The following BIN2 variants were observed in gnomAD, a reference collection of about 807,000 sequenced individuals.
BIN2 encodes the protein bridging integrator 2, also known as breast cancer associated protein BRAP1.
A neutral mutation model predicts 67.9 loss-of-function variants in BIN2; 43 were observed. That is an observed-to-expected ratio of 0.63 (90% CI 0.50 to 0.82). The LOEUF is 0.82. Ranked by LOEUF, BIN2 falls within the 40% of genes least tolerant of loss-of-function variation. BIN2 has a pLI of 0.00. For synonymous variants in BIN2, 244 were observed against 246.8 expected (o/e 0.99, Z 0.11); for missense variants, 581 against 671.6 (o/e 0.87, Z 1.49).
chr12:51,292,593 A>G (rs1330850025), intron 9 of BIN2, among the ~76,000 whole-genome samples: 4 of 152,212 alleles, frequency 2.6e-5, no homozygotes, highest in Non-Finnish European at 5.9e-5. Flanking sequence ...AAATGTCGCA[A>G]ATATTTCCTC....
At chr12:51,287,411 C>CA (rs1179003045) in intron 11 of BIN2, among the ~76,000 whole-genome samples, 2 of 151,940 alleles carry the variant, frequency 1.3e-5, no homozygotes, top group Admixed American at 1.3e-4. Flanking sequence ...CGGCTCACTG[C>CA]AACCTCCGCC....
intron 2 of BIN2, among the ~76,000 whole-genome samples, chr12:51,313,452 C>A (rs995752157): frequency 6.6e-6 from 1 of 151,472 alleles, no homozygotes; most frequent in African/African-American, 2.4e-5. Context: ...GATTCTCCTG[C>A]CTCAGCCTGC....
At chr12:51,323,926 C>CCCCTGAGCA in intron 1 of BIN2, 96 bp downstream of exon 1, 2 of 1,487,450 alleles carry the variant, frequency 1.3e-6, no homozygotes, top group Non-Finnish European at 1.8e-6. Context: ...CCCTTCGGGG[C>CCCCTGAGCA]CCCTGAGCAC....
intron 1 of BIN2, among the ~76,000 whole-genome samples, chr12:51,318,787 G>T (rs990908441): frequency 3.3e-5 from 5 of 152,190 alleles, no homozygotes; most frequent in East Asian, 1.9e-4. Flanking sequence ...AGGATTAAAT[G>T]ATATTTTGCA....
intron 10 of BIN2, among the ~76,000 whole-genome samples, chr12:51,290,118 T>C (rs1945343971): frequency 6.6e-5 from 10 of 150,954 alleles, no homozygotes; most frequent in Admixed American, 6.6e-4. Flanking sequence ...TTTTTTTAAC[T>C]TTTTCTTTTT....
chr12:51,299,551 T>G, intron 6 of BIN2, 56 bp downstream of exon 6: 13 of 1,511,906 alleles, frequency 8.6e-6, no homozygotes, highest in South Asian at 2.2e-5. Context: ...GCTACCACCA[T>G]GGGGAGAAGG....
At chr12:51,303,219 A>G in intron 2 of BIN2, 78 bp from the exon 3 acceptor site, 1 of 1,424,994 alleles carries the variant, frequency 7.0e-7, no homozygotes. Flanking sequence ...GTCAAAAAGT[A>G]GGTTAAGAGC....
chr12:51,300,483 C>T (rs1393553919), intron 5 of BIN2, among the ~76,000 whole-genome samples: 1 of 152,224 alleles, frequency 6.6e-6, no homozygotes, highest in African/African-American at 2.4e-5. Context: ...TCTTTTGGAG[C>T]CTCAGTAGCC....
rs142976170 is a variant in BIN2 at position 51,292,131 on chromosome 12, T to C, written c.975A>G (p.Gly325=). The change falls in exon 10 of 13, where the codon GGA becomes GGG. Residue 325 remains glycine, a synonymous_variant. Transcript: ENST00000615107. Reference sequence around the variant, plus strand: ...CTTCCTCAGAGGAGCTTGCTTCAGATCCTTCCTTCTCTATTTCCTCCTCTT... The same window carrying C: ...CTTCCTCAGAGGAGCTTGCTTCAGACCCTTCCTTCTCTATTTCCTCCTCTT... ...LLEEEEIEKE[G]SEASSSEEDE... 1.9e-6 allele frequency: 3 copies of C among 1,614,012 alleles called. No individual in the cohort carries two copies. Among genetic ancestry groups the C allele is most frequent in the African/African-American group, 2.7e-5 (2 of 74,900 alleles).
intron 1 of BIN2, among the ~76,000 whole-genome samples, chr12:51,319,953 TTC>T (rs1194172659): frequency 4.6e-5 from 3 of 65,090 alleles, no homozygotes; most frequent in Non-Finnish European, 1.1e-4. Flanking sequence ...TAGGAAATCT[TTC>T]TCTTTCCTTC....
chr12:51,295,419 C>A (rs1399525215), intron 9 of BIN2, among the ~76,000 whole-genome samples: 1 of 147,576 alleles, frequency 6.8e-6, no homozygotes, highest in Non-Finnish European at 1.5e-5. Flanking sequence ...AAAAATGAGC[C>A]GGGCGTGATG....
chr12:51,286,808 A>G (rs1387808273), intron 11 of BIN2, among the ~76,000 whole-genome samples: 1 of 152,148 alleles, frequency 6.6e-6, no homozygotes, highest in Non-Finnish European at 1.5e-5. Context: ...TGACCAAGGA[A>G]AAGTCATTTT....
At chr12:51,284,662 C>T in intron 12 of BIN2, 54 bp downstream of exon 12, 1 of 1,422,648 alleles carries the variant, frequency 7.0e-7, no homozygotes. Flanking sequence ...CCAGCCTTTT[C>T]CCAAACCCCT....
chr12:51,291,511 C>T, intron 10 of BIN2, 80 bp downstream of exon 10: 1 of 1,403,200 alleles, frequency 7.1e-7, no homozygotes, highest in Non-Finnish European at 9.6e-7. Flanking sequence ...CCACTACACT[C>T]CAGCCTGGAC....
At position 51,302,112 on chromosome 12, in the gene BIN2, T is replaced by C. The variant is rs764945899; in HGVS notation, c.316A>G (p.Asn106Asp). ...TCGTAGTCTTCCCAAAGGAGATCAT[T>C]ATTCTGTAGGATAGAGTCAGAGGCT... ...HEELKAIVWN[N>D]DLLWEDYEEK... Residue 106 changes from asparagine to aspartate, a missense_variant, in exon 5 of 13, where the codon AAT becomes GAT. Coordinates refer to ENST00000615107, the MANE Select transcript of BIN2 (RefSeq NM_016293.4). The C allele has an allele frequency of 3.1e-6, 5 of 1,608,342 alleles. No individual in the cohort carries two copies. In the Admixed American group the frequency reaches 8.3e-5, roughly 27 times the overall value.
Position 51,281,107 on chromosome 12 carries a change from T to C in BIN2, c.*392A>G, listed in dbSNP as rs1945110518. Reference sequence around the variant, plus strand: ...CCGGCTTTAAGTCTTGCAAAATGGGTCGTAAGTCAAAGACAGATTTGTTCA... The same window carrying C: ...CCGGCTTTAAGTCTTGCAAAATGGGCCGTAAGTCAAAGACAGATTTGTTCA... On this transcript the variant is annotated 3_prime_UTR_variant, in exon 13 of 13. Coordinates refer to ENST00000615107, the MANE Select transcript of BIN2 (RefSeq NM_016293.4). The C allele has an allele frequency of 5.3e-6, 1 of 189,792 alleles. No individual in the cohort carries two copies. 11.8% of individuals were successfully genotyped at this position (189,792 alleles called of 1,614,324 possible).
At chr12:51,306,400 G>A (rs958543235) in intron 2 of BIN2, among the ~76,000 whole-genome samples, 1 of 152,188 alleles carries the variant, frequency 6.6e-6, no homozygotes, top group African/African-American at 2.4e-5. Flanking sequence ...GTTGAGGTAG[G>A]CAGATCACTT....
At position 51,302,075 on chromosome 12, in the gene BIN2, G is replaced by A; in HGVS notation, c.353C>T (p.Ala118Val). The A allele has an allele frequency of 6.2e-7, 1 of 1,613,638 alleles. No individual in the cohort carries two copies. Among genetic ancestry groups the A allele is most frequent in the Non-Finnish European group, 8.5e-7 (1 of 1,179,586 alleles). The change falls in exon 5 of 13, where the codon GCT (alanine) becomes GTT (valine). Residue 118 changes from alanine to valine, a missense_variant. Physicochemically the swap from Ala to Val is moderately conservative, Grantham distance 64. Transcript: ENST00000615107. ...TTCCATGGTCCTTACAGCCTGGTCAGCCAGTTTCTCCTCGTAGTCTTCCCA... is the reference window on the plus strand; with the variant it reads ...TTCCATGGTCCTTACAGCCTGGTCAACCAGTTTCTCCTCGTAGTCTTCCCA... Reference protein sequence around the residue: ...LLWEDYEEKLADQAVRTMEIY... With the variant: ...LLWEDYEEKLVDQAVRTMEIY...
intron 12 of BIN2, among the ~76,000 whole-genome samples, chr12:51,282,292 C>A (rs1945136646): frequency 6.6e-6 from 1 of 151,890 alleles, no homozygotes; most frequent in African/African-American, 2.4e-5. Flanking sequence ...TCACATGCTG[C>A]ATAATGACAT....
Sources: gnomAD v4.1 joint callset for allele counts (sites outside exome capture counted in the v4.1 genomes callset) on GRCh38, gnomAD v4.1.1 for gene constraint, MANE v1.5 for transcripts, NCBI Gene and HGNC (gene_info 2026-07-23, HGNC 2026-07-21) for gene names.